The following CLTB variants were observed in gnomAD, a reference collection of about 807,000 sequenced individuals.
CLTB encodes the protein clathrin light chain B.
CLTB carries 10 observed loss-of-function variants against 30.5 expected under a neutral mutation model. The observed-to-expected ratio is 0.33, with a 90% CI of 0.20 to 0.56. The LOEUF (loss-of-function observed/expected upper bound fraction) is 0.56, where lower values mean the gene tolerates loss of function less well. CLTB is among the 20% of genes least tolerant of loss of function. The pLI, the probability that CLTB is intolerant of heterozygous loss-of-function variation, is 0.91. For missense variants in CLTB, 261 were observed against 308.3 expected (o/e 0.85, Z 1.15); for synonymous variants, 102 against 120.3 (o/e 0.85, Z 1.00).
At position 176,416,250 on chromosome 5, in the gene CLTB, T is replaced by G; in HGVS notation, c.114A>C (p.Ile38=). The part of the protein sequence containing the change: ...LAQQESEIAG[I]ENDEGFGAPA... Reference sequence around the variant, plus strand: ...GTGCCCCGAAGCCCTCGTCGTTCTCTATGCCTGCAATCTCGCTCTCCTGCT... The same window carrying G: ...GTGCCCCGAAGCCCTCGTCGTTCTCGATGCCTGCAATCTCGCTCTCCTGCT... The change falls in exon 1 of 6, where the codon ATA becomes ATC. Residue 38 remains isoleucine, a synonymous_variant. Coordinates refer to ENST00000310418, the MANE Select transcript of CLTB (RefSeq NM_007097.5). The G allele has an allele frequency of 1.2e-6, 2 of 1,601,912 alleles. No homozygotes were observed. Among genetic ancestry groups the G allele is most frequent in the Non-Finnish European group, 1.7e-6 (2 of 1,175,998 alleles).
intron 1 of CLTB, among the ~76,000 whole-genome samples, chr5:176,411,958 C>T (rs548532861): frequency 7.2e-5 from 11 of 151,914 alleles, no homozygotes; most frequent in Non-Finnish European, 7.4e-5. Flanking sequence ...GGGCAGATCA[C>T]GAAGTCAGGA....
chr5:176,416,125 G>C, intron 1 of CLTB, 52 bp downstream of exon 1: 1 of 1,439,674 alleles, frequency 6.9e-7, no homozygotes. Flanking sequence ...CCCCGGCCGG[G>C]GTCCCCCGGG....
At position 176,416,337 on chromosome 5, in the gene CLTB, C is replaced by A. The variant is rs1757691991; in HGVS notation, c.27G>T (p.Ser9=). The A allele has an allele frequency of 1.9e-6, 3 of 1,601,248 alleles. No homozygotes were observed. Among genetic ancestry groups the A allele is most frequent in the Non-Finnish European group, 1.7e-6 (2 of 1,175,758 alleles). The change falls in exon 1 of 6, where the codon TCG becomes TCT. Residue 9 remains serine (S), a synonymous_variant. Transcript: ENST00000310418. ...CCTCCGGGGCACCGCTCTCCGACGA[C>A]GAGAAGAAGCCAAAGTCATCAGCCA... MADDFGFF[S]SSESGAPEAA...
intron 4 of CLTB, 111 bp from the exon 5 acceptor site, chr5:176,396,643 G>A: frequency 1.3e-6 from 1 of 788,618 alleles, no homozygotes; most frequent in Middle Eastern, 2.5e-4. Context: ...TACCTCCAGT[G>A]GGAGAAATGT....
In CLTB at chr5:176,392,792, C is replaced by T. The variant is rs79922429; in HGVS notation, c.672G>A (p.Gln224=). Residue 224 remains glutamine, a synonymous_variant, in exon 6 of 6, where the codon CAG becomes CAA. Transcript: ENST00000310418. This position sits in a 1 kb window ranked among gnomAD's most constrained non-coding sequence, Gnocchi z 5.2. The stretch of plus-strand genomic sequence containing the variant: ...CAGGCACCTAGCGGGACAGTGGCGT[C>T]TGCTTCAGGGACATGAGCACCGAGC... ...RLRSVLMSLK[Q]TPLSR 6.2e-7 allele frequency: 1 copy of T among 1,614,204 alleles called. No individual in the cohort carries two copies. Among genetic ancestry groups the T allele is most frequent in the African/African-American group, 1.3e-5 (1 of 75,078 alleles).
chr5:176,407,915 A>G (rs1302853211), intron 2 of CLTB, among the ~76,000 whole-genome samples: 2 of 152,140 alleles, frequency 1.3e-5, no homozygotes, highest in African/African-American at 2.4e-5. Context: ...ACATAAGAAA[A>G]TAAGTATTGT....
In CLTB at chr5:176,410,320, G is replaced by A; in HGVS notation, c.188-17C>T. 6.2e-7 allele frequency: 1 copy of A among 1,612,424 alleles called. No homozygotes were observed. Among genetic ancestry groups the A allele is most frequent in the Non-Finnish European group, 8.5e-7 (1 of 1,178,652 alleles). ...CAGAACCAGCTGGAAAGAGAACAAGGAGATAGCATTACTCACTGTTTAGCT... is the reference window on the plus strand; with the variant it reads ...CAGAACCAGCTGGAAAGAGAACAAGAAGATAGCATTACTCACTGTTTAGCT... On this transcript the variant is annotated splice_polypyrimidine_tract_variant and intron_variant, in intron 1 of 5. Transcript: ENST00000310418.
In CLTB at chr5:176,392,957, G is replaced by A; in HGVS notation, c.519-12C>T. 6.2e-7 allele frequency: 1 copy of A among 1,614,002 alleles called. No individual in the cohort carries two copies. Among genetic ancestry groups the A allele is most frequent in the Non-Finnish European group, 8.5e-7 (1 of 1,179,936 alleles). On this transcript the variant is annotated splice_polypyrimidine_tract_variant and intron_variant, in intron 5 of 5. Coordinates refer to ENST00000310418, the MANE Select transcript of CLTB (RefSeq NM_007097.5). The surrounding 1 kb of genome is among the most constrained non-coding windows in gnomAD (Gnocchi z 5.2). ...CCTCCTCGGATGCCCTGCGGGTGGA[G>A]ATAGGACGGGCTTTTATAGCAGTCT... is the stretch of plus-strand genomic sequence containing the variant.
intron 1 of CLTB, among the ~76,000 whole-genome samples, chr5:176,415,772 T>A (rs1757663037): frequency 1.3e-5 from 2 of 152,274 alleles, no homozygotes; most frequent in African/African-American, 2.4e-5. Flanking sequence ...TTTTCCCAGC[T>A]GCAGGAGAGA....
At chr5:176,404,049 CCAG>C (rs1440269518) in intron 2 of CLTB, among the ~76,000 whole-genome samples, 2 of 152,196 alleles carry the variant, frequency 1.3e-5, no homozygotes, top group Admixed American at 1.3e-4. Context: ...GCCACCACAC[CCAG>C]CCAAGTTTTA....
At chr5:176,405,024 A>G (rs1475976782) in intron 2 of CLTB, among the ~76,000 whole-genome samples, 1 of 152,250 alleles carries the variant, frequency 6.6e-6, no homozygotes, top group South Asian at 2.1e-4. Flanking sequence ...AATGACAACC[A>G]ACATCACAGG....
At chr5:176,394,557 C>T (rs1324657788) in intron 5 of CLTB, among the ~76,000 whole-genome samples, 17 of 151,960 alleles carry the variant, frequency 1.1e-4, no homozygotes, top group Admixed American at 7.9e-4. Flanking sequence ...GTGGCTCATG[C>T]CTGTAATCCC....
chr5:176,410,826 C>A (rs933468635), intron 1 of CLTB, among the ~76,000 whole-genome samples: 3 of 151,970 alleles, frequency 2.0e-5, no homozygotes, highest in African/African-American at 7.2e-5. Flanking sequence ...TTGCAGTTCC[C>A]ACCAGAAGCA....
chr5:176,392,939 G>C lies in CLTB; in HGVS notation c.525C>G (p.Ser175=), dbSNP rs543389086. 6.2e-7 allele frequency: 1 copy of C among 1,614,094 alleles called. No individual in the cohort carries two copies. The highest frequency in any genetic ancestry group is 8.5e-7 in the Non-Finnish European group (1 of 1,179,978). Residue 175 remains serine, a synonymous_variant, in exon 6 of 6, where the codon TCC becomes TCG. Coordinates refer to ENST00000310418, the MANE Select transcript of CLTB (RefSeq NM_007097.5). The surrounding 1 kb of genome is among the most constrained non-coding windows in gnomAD (Gnocchi z 5.2). ...PDADIIGYVA[S]EEAFVKESKE... Reference sequence around the variant, plus strand: ...TGGATTCCTTCACGAAAGCCTCCTCGGATGCCCTGCGGGTGGAGATAGGAC... The same window carrying C: ...TGGATTCCTTCACGAAAGCCTCCTCCGATGCCCTGCGGGTGGAGATAGGAC...
intron 5 of CLTB, among the ~76,000 whole-genome samples, chr5:176,394,675 C>T (rs1447486795): frequency 2.6e-5 from 4 of 152,046 alleles, no homozygotes; most frequent in South Asian, 2.1e-4. Flanking sequence ...ATTAGCCGGG[C>T]ATGGTGGCGG....
At chr5:176,409,889 C>T (rs939360643) in intron 2 of CLTB, among the ~76,000 whole-genome samples, 1 of 152,204 alleles carries the variant, frequency 6.6e-6, no homozygotes, top group Non-Finnish European at 1.5e-5. Flanking sequence ...ATCTCTGGAT[C>T]AAAGGGCCCG....
chr5:176,412,038 T>C lies in CLTB; in HGVS notation c.188-1735A>G, dbSNP rs1375847181. Among the ~76,000 whole-genome samples the C allele has an allele frequency of 4.0e-5, 6 of 151,882 alleles. No individual in the cohort carries two copies. In the South Asian group the frequency reaches 6.2e-4, roughly 16 times the overall value. On this transcript the variant is annotated intron_variant, in intron 1 of 5. Transcript: ENST00000310418. ...AAAAATACAAAAAATTAGCCAGGCG[T>C]GGTGGCAGGCGCCTGTAGTCCCAGC...
At chr5:176,397,184 TTCCCTAGACAGA>T (rs1221193417) in intron 4 of CLTB, among the ~76,000 whole-genome samples, 12 of 152,076 alleles carry the variant, frequency 7.9e-5, no homozygotes, top group Non-Finnish European at 2.9e-5. Flanking sequence ...CATGCAGCAG[TTCCCTAGACAGA>T]AGGGTAGCTT....
At chr5:176,402,805 T>C (rs572884590) in intron 2 of CLTB, among the ~76,000 whole-genome samples, 2 of 151,978 alleles carry the variant, frequency 1.3e-5, no homozygotes, top group African/African-American at 2.4e-5. Flanking sequence ...ACAGTTCAGA[T>C]AAAGAGAGTG....
Sources: allele counts gnomAD v4.1 joint callset (sites outside exome capture counted in the v4.1 genomes callset), GRCh38; gene constraint gnomAD v4.1.1; non-coding constraint Gnocchi (gnomAD v3.1); transcripts MANE v1.5; gene names NCBI Gene and HGNC (gene_info 2026-07-23, HGNC 2026-07-21).